The following TTLL11 variants were observed in gnomAD, a reference collection of about 807,000 sequenced individuals.
TTLL11 encodes tubulin tyrosine ligase like 11.
A neutral mutation model predicts 51.7 loss-of-function variants in TTLL11; 42 were observed. The ratio of observed to expected loss-of-function variants is 0.81; its 90% CI spans 0.64 to 1.05. The LOEUF is 1.05. Among genes scored for constraint, TTLL11 ranks in the 50% least tolerant of loss-of-function variants. TTLL11 has a pLI of 0.00. For missense variants in TTLL11, 799 were observed against 940.4 expected, an observed-to-expected ratio of 0.85 and a Z score of 1.97; for synonymous variants, 381 against 383.5, an observed-to-expected ratio of 0.99 and a Z score of 0.08.
intron 1 of TTLL11, among the ~76,000 whole-genome samples, chr9:122,052,263 C>A (rs575588362): frequency 2.0e-4 from 30 of 152,260 alleles, no homozygotes; most frequent in Admixed American, 4.6e-4. Context: ...AATTCCACCC[C>A]AACTGAGGGG....
chr9:122,071,821 C>A (rs1845737418), intron 1 of TTLL11, among the ~76,000 whole-genome samples: 1 of 152,188 alleles, frequency 6.6e-6, no homozygotes, highest in African/African-American at 2.4e-5. Flanking sequence ...ATAAAGGACT[C>A]TTGAATCCTA....
chr9:122,087,319 C>T (rs1454495093), intron 1 of TTLL11, among the ~76,000 whole-genome samples: 2 of 152,098 alleles, frequency 1.3e-5, no homozygotes, highest in African/African-American at 4.8e-5. Context: ...AAGCAATTCT[C>T]GTGCCTCAGC....
intron 6 of TTLL11, chr9:121,885,218 T>C (rs993698180): frequency 6.6e-6 from 1 of 152,218 alleles, no homozygotes; most frequent in African/African-American, 2.4e-5. Flanking sequence ...TGAACCTGCT[T>C]CTTGCTATTT....
At chr9:121,960,226 T>C (rs764750608) in intron 6 of TTLL11, among the ~76,000 whole-genome samples, 14 of 152,358 alleles carry the variant, frequency 9.2e-5, no homozygotes, top group Non-Finnish European at 1.5e-4. Context: ...GATGTTCTTG[T>C]ATGACTTGCT....
At chr9:122,031,536 C>T (rs2131808034) in intron 3 of TTLL11, among the ~76,000 whole-genome samples, 187 bp downstream of exon 3, 1 of 152,334 alleles carries the variant, frequency 6.6e-6, no homozygotes, top group East Asian at 1.9e-4. Context: ...GTTTACCTAC[C>T]TGTCACCCTA....
chr9:121,906,916 TA>T (rs1438146160), intron 6 of TTLL11, among the ~76,000 whole-genome samples: 1 of 152,022 alleles, frequency 6.6e-6, no homozygotes, highest in Non-Finnish European at 1.5e-5. Context: ...CAGTAAAATA[TA>T]GAGTTTTTGG....
At chr9:121,909,568 A>G (rs1462859339) in intron 6 of TTLL11, among the ~76,000 whole-genome samples, 1 of 152,136 alleles carries the variant, frequency 6.6e-6, no homozygotes. Context: ...TTATTCCTAC[A>G]TTCGTCCTCC....
At chr9:122,074,981 T>A (rs1845823482) in intron 1 of TTLL11, among the ~76,000 whole-genome samples, 1 of 152,194 alleles carries the variant, frequency 6.6e-6, no homozygotes, top group Admixed American at 6.5e-5. Context: ...AGATGATTGA[T>A]GAGTCCCTTT....
chr9:121,986,963 G>A (rs1187461585), intron 4 of TTLL11, among the ~76,000 whole-genome samples: 5 of 151,776 alleles, frequency 3.3e-5, no homozygotes, highest in Admixed American at 2.0e-4. Flanking sequence ...CAGTACCCAC[G>A]ACCCCCACCA....
In TTLL11 at chr9:121,822,292, G is replaced by T. The variant is rs1467331061; in HGVS notation, c.*295C>A. On this transcript the variant is annotated 3_prime_UTR_variant, in exon 9 of 9. Coordinates refer to ENST00000321582, the MANE Select transcript of TTLL11 (RefSeq NM_001139442.2). The surrounding 1 kb of genome is among the most constrained non-coding windows in gnomAD (Gnocchi z 5.8). The stretch of plus-strand genomic sequence containing the variant: ...AAATACAACAGATTTGCCCCAGTTG[G>T]TGCTTCCTGTGAGCCCAGAATAGAA... 4.5e-6 allele frequency: 1 copy of T among 222,372 alleles called. No individual in the cohort carries two copies. Among genetic ancestry groups the T allele is most frequent in the Non-Finnish European group, 8.7e-6 (1 of 114,456 alleles). The allele number at this position is 222,372 out of a possible 1,614,324, so 13.8% of individuals were successfully genotyped here. A position where few individuals can be genotyped will look rare whatever the true frequency, so the allele number is the denominator to read the frequency against.
At chr9:121,898,478 A>G (rs182141720) in intron 6 of TTLL11, among the ~76,000 whole-genome samples, 1 of 152,354 alleles carries the variant, frequency 6.6e-6, no homozygotes, top group Non-Finnish European at 1.5e-5. Flanking sequence ...ACAGGAAACC[A>G]TAGGCCCAAG....
At chr9:122,087,090 G>A (rs1046293851) in intron 1 of TTLL11, among the ~76,000 whole-genome samples, 2 of 152,200 alleles carry the variant, frequency 1.3e-5, no homozygotes, top group East Asian at 3.9e-4. Flanking sequence ...CCATGGGCTG[G>A]CCCTGTACCG....
intron 7 of TTLL11, among the ~76,000 whole-genome samples, chr9:121,863,767 A>T (rs773029334): frequency 2.0e-5 from 3 of 152,194 alleles, no homozygotes; most frequent in Non-Finnish European, 4.4e-5. Flanking sequence ...CCATTCCTTG[A>T]GGGTGGTATT....
intron 1 of TTLL11, among the ~76,000 whole-genome samples, chr9:122,046,664 T>C (rs1445673397): frequency 1.3e-5 from 2 of 152,162 alleles, no homozygotes. Flanking sequence ...CATCTTTCCT[T>C]TTCTCTTCTT....
chr9:121,863,648 G>A (rs1178146030), intron 7 of TTLL11, among the ~76,000 whole-genome samples: 5 of 152,192 alleles, frequency 3.3e-5, no homozygotes, highest in African/African-American at 9.7e-5. Flanking sequence ...TGCTGGCTGC[G>A]GTAGGCAGGA....
rs537579008 is a variant in TTLL11 at position 122,068,695 on chromosome 9, T to C, written c.462+23992A>G. Among the ~76,000 whole-genome samples, 23 of 152,350 alleles carry C rather than the reference T, an allele frequency of 1.5e-4. No homozygotes were observed. The South Asian group carries it at 4.6e-3, about 30-fold the overall frequency. ...CCGACTCCAAATCCTGCGCTTTTTC[T>C]ACACTGCATTGTGGCAGATACTGGG... On this transcript the variant is annotated intron_variant, in intron 1 of 8. Transcript: ENST00000321582.
intron 8 of TTLL11, among the ~76,000 whole-genome samples, chr9:121,823,703 C>G (rs996303605): frequency 1.3e-5 from 2 of 152,168 alleles, no homozygotes; most frequent in Admixed American, 1.3e-4. Context: ...TCAAGTTGTG[C>G]CTTAAGGCTC....
intron 1 of TTLL11, among the ~76,000 whole-genome samples, chr9:122,090,792 T>A (rs573308176): frequency 5.9e-5 from 9 of 152,246 alleles, no homozygotes; most frequent in African/African-American, 2.2e-4. Context: ...ATATAATGCC[T>A]GGCGAAGTTT....
At chr9:122,084,705 C>T (rs773366009) in intron 1 of TTLL11, among the ~76,000 whole-genome samples, 26 of 152,126 alleles carry the variant, frequency 1.7e-4, no homozygotes, top group Non-Finnish European at 3.2e-4. Flanking sequence ...AAGTGCCAGG[C>T]GCTTTTAAGA....
Sources: allele counts gnomAD v4.1 joint callset (sites outside exome capture counted in the v4.1 genomes callset), GRCh38; gene constraint gnomAD v4.1.1; non-coding constraint Gnocchi (gnomAD v3.1); transcripts MANE v1.5; gene names NCBI Gene and HGNC (gene_info 2026-07-23, HGNC 2026-07-21).